Variants in RIMS1 observed in about 807,000 individuals in gnomAD.
RIMS1 encodes the protein regulating synaptic membrane exocytosis 1, also known as regulating synaptic membrane exocytosis protein 1.
Under a neutral mutation model 214.1 loss-of-function variants are expected in RIMS1, and 83 were observed. That is an observed-to-expected ratio of 0.39 (90% CI 0.32 to 0.47). The LOEUF (loss-of-function observed/expected upper bound fraction) is 0.47. Among genes scored for constraint, RIMS1 ranks in the 20% least tolerant of loss-of-function variants. The pLI, the probability that RIMS1 is intolerant of heterozygous loss-of-function variation, is 0.99. For synonymous variants in RIMS1, 793 were observed against 786.8 expected (o/e 1.01, Z -0.13); for missense variants, 2,050 against 2,161.8 (o/e 0.95, Z 1.03).
chr6:72,075,907 G>A (rs1213195708), intron 2 of RIMS1, among the ~76,000 whole-genome samples: 1 of 152,088 alleles, frequency 6.6e-6, no homozygotes, highest in African/African-American at 2.4e-5. Flanking sequence ...TGTTCTTTTA[G>A]ACTAGACCTT....
intron 19 of RIMS1, chr6:72,263,666 A>G: frequency 3.0e-6 from 3 of 985,402 alleles, no homozygotes; most frequent in Non-Finnish European, 3.6e-6. Flanking sequence ...CTGTCTAGAA[A>G]GGAGGCTAAA....
chr6:72,150,099 C>T (rs910827164), intron 4 of RIMS1, among the ~76,000 whole-genome samples: 3 of 151,884 alleles, frequency 2.0e-5, no homozygotes, highest in African/African-American at 7.3e-5. Flanking sequence ...AGGGTGGTCC[C>T]CCATCTGAAG....
chr6:72,260,901 G>A, intron 19 of RIMS1, 134 bp downstream of exon 19: 2 of 1,515,880 alleles, frequency 1.3e-6, no homozygotes, highest in South Asian at 1.2e-5. Context: ...AATTTGTTTT[G>A]TTTTATATTG....
At chr6:72,091,846 A>C (rs1001890588) in intron 2 of RIMS1, among the ~76,000 whole-genome samples, 8 of 152,198 alleles carry the variant, frequency 5.3e-5, no homozygotes, top group Admixed American at 1.3e-4. Context: ...TGTTAACCTC[A>C]CTAGTCAATA....
chr6:72,354,523 A>G (rs572442799), intron 29 of RIMS1, among the ~76,000 whole-genome samples: 5 of 152,384 alleles, frequency 3.3e-5, no homozygotes, highest in African/African-American at 1.2e-4. Flanking sequence ...AAAAAGAAGT[A>G]AAATGTGTAA....
rs546024754 is a variant in RIMS1, at chr6:71,941,964, T to G, written c.165-27019T>G. Among the ~76,000 whole-genome samples, 3 of 152,300 alleles carry G rather than the reference T, an allele frequency of 2.0e-5. No individual in the cohort carries two copies. In the East Asian group the frequency reaches 5.8e-4, roughly 29 times the overall value. On this transcript the variant is annotated intron_variant, in intron 1 of 33. Transcript: ENST00000521978. ...CTTTTCTGCCAGTTGACAGCTTGCC[T>G]TTGAAAGAACAAATCCTTGGTAGAT... is the stretch of plus-strand genomic sequence containing the variant.
intron 2 of RIMS1, 126 bp from the exon 3 acceptor site, chr6:72,096,823 T>C: frequency 1.3e-6 from 1 of 757,134 alleles, no homozygotes; most frequent in South Asian, 1.7e-5. Context: ...AAAATAGTTT[T>C]GTATGTTTTG....
intron 4 of RIMS1, among the ~76,000 whole-genome samples, chr6:72,177,587 C>T (rs2047887288): frequency 6.6e-6 from 1 of 152,132 alleles, no homozygotes; most frequent in Non-Finnish European, 1.5e-5. Flanking sequence ...TAATAAGTTG[C>T]TTACTATTAG....
At chr6:72,290,981 C>T in intron 25 of RIMS1, 120 bp downstream of exon 25, 1 of 798,514 alleles carries the variant, frequency 1.3e-6, no homozygotes, top group East Asian at 2.7e-5. Flanking sequence ...TTAATCCTTT[C>T]TTTGTGACAC....
chr6:72,164,456 C>G (rs1028468821), intron 4 of RIMS1, among the ~76,000 whole-genome samples: 2 of 152,184 alleles, frequency 1.3e-5, no homozygotes, highest in Non-Finnish European at 2.9e-5. Context: ...ATTGGAAATG[C>G]AGAAATCACC....
intron 6 of RIMS1, chr6:72,212,934 C>T: frequency 6.5e-6 from 9 of 1,377,556 alleles, no homozygotes; most frequent in Non-Finnish European, 8.4e-6. Context: ...TGCAAGGAGA[C>T]TTTCTTGTTC....
chr6:72,075,213 C>G (rs62409480), intron 2 of RIMS1, among the ~76,000 whole-genome samples: 32,849 of 151,938 alleles, frequency 0.22, 4,247 homozygotes, highest in East Asian at 0.31. Flanking sequence ...TCCCAAGTAG[C>G]TAGGACCGCA....
chr6:71,964,537 A>G (rs1306615641), intron 1 of RIMS1, among the ~76,000 whole-genome samples: 3 of 152,206 alleles, frequency 2.0e-5, no homozygotes, highest in South Asian at 2.1e-4. Context: ...TTCTACATAA[A>G]TTTAGAAAAT....
At chr6:72,135,279 G>A (rs2041101905) in intron 4 of RIMS1, among the ~76,000 whole-genome samples, 1 of 152,136 alleles carries the variant, frequency 6.6e-6, no homozygotes, top group Non-Finnish European at 1.5e-5. Flanking sequence ...AAAAGCTGGA[G>A]AGTTTATTAT....
intron 2 of RIMS1, among the ~76,000 whole-genome samples, chr6:72,073,360 AACAAAT>A (rs1378588220): frequency 6.6e-6 from 1 of 152,198 alleles, no homozygotes; most frequent in East Asian, 1.9e-4. Flanking sequence ...ACGAAATCAG[AACAAAT>A]ACTTGAAGGT....
chr6:72,157,529 T>C lies in RIMS1; in HGVS notation c.472-22046T>C, dbSNP rs1270252368. Reference sequence around the variant, plus strand: ...TTTCATCATAATTAAATGCTCCTTTTCATCTCTAGTAAGGTTTACTGCATC... The same window carrying C: ...TTTCATCATAATTAAATGCTCCTTTCCATCTCTAGTAAGGTTTACTGCATC... On this transcript the variant is annotated intron_variant, in intron 4 of 33. Coordinates refer to ENST00000521978, the MANE Select transcript of RIMS1 (RefSeq NM_014989.7). Among the ~76,000 whole-genome samples the C allele has an allele frequency of 2.1e-5, 3 of 140,644 alleles. 1 individual carries two copies. The highest frequency in any genetic ancestry group is 4.9e-5 in the Non-Finnish European group (3 of 61,824). 92.3% of individuals were successfully genotyped at this position (140,644 alleles called of 152,430 possible).
chr6:72,372,416 T>G (rs2098247331), intron 29 of RIMS1, among the ~76,000 whole-genome samples: 1 of 152,238 alleles, frequency 6.6e-6, no homozygotes, highest in Admixed American at 6.5e-5. Context: ...TTTAAAGATT[T>G]TTTTATGTGT....
intron 4 of RIMS1, among the ~76,000 whole-genome samples, chr6:72,114,064 G>GA (rs1258163747): frequency 6.6e-6 from 1 of 151,910 alleles, no homozygotes; most frequent in Admixed American, 6.6e-5. Flanking sequence ...ATTTTAAAGA[G>GA]AAAAAAGTTT....
chr6:72,261,377 T>A, intron 19 of RIMS1: 1 of 986,932 alleles, frequency 1.0e-6, no homozygotes, highest in Non-Finnish European at 1.2e-6. Flanking sequence ...CAAAGGCATA[T>A]AACAGTATGA....
Sources: allele counts gnomAD v4.1 joint callset (sites outside exome capture counted in the v4.1 genomes callset), GRCh38; gene constraint gnomAD v4.1.1; transcripts MANE v1.5; gene names NCBI Gene and HGNC (gene_info 2026-07-23, HGNC 2026-07-21).